The following DGKA variants were observed in gnomAD, a reference collection of about 807,000 sequenced individuals.
DGKA encodes the protein 80 kDa diacylglycerol kinase.
DGKA carries 35 observed loss-of-function variants against 105.0 expected under a neutral mutation model. The ratio of observed to expected loss-of-function variants is 0.33; its 90% CI spans 0.25 to 0.44. The LOEUF (loss-of-function observed/expected upper bound fraction) is 0.44, where lower values mean the gene tolerates loss of function less well. DGKA is among the 20% of genes least tolerant of loss of function. DGKA has a pLI of 1.00. For missense variants in DGKA, 665 were observed against 915.0 expected, an observed-to-expected ratio of 0.73 and a Z score of 3.53; for synonymous variants, 296 against 332.0, an observed-to-expected ratio of 0.89 and a Z score of 1.18.
At position 55,941,914 on chromosome 12, in the gene DGKA, G is replaced by T. The variant is rs1021334722; in HGVS notation, c.1251-84G>T. On this transcript the variant is annotated intron_variant, in intron 15 of 23. Coordinates refer to ENST00000331886, the MANE Select transcript of DGKA (RefSeq NM_001345.5). ...AGGAGGAGGGTCCTACGGAATGAGA[G>T]ACAAGAAGCAATCTGCCTGCTCAGG... is the stretch of plus-strand genomic sequence containing the variant. The T allele has an allele frequency of 7.8e-6, 11 of 1,402,338 alleles. No homozygotes were observed. In the South Asian group the frequency reaches 1.0e-4, roughly 13 times the overall value. 86.9% of individuals were successfully genotyped at this position (1,402,338 alleles called of 1,614,324 possible). A position where few individuals can be genotyped will look rare whatever the true frequency, so the allele number is the denominator to read the frequency against.
upstream of DGKA, among the ~76,000 whole-genome samples, chr12:55,928,877 C>A (rs915495284): frequency 6.6e-6 from 1 of 151,812 alleles, no homozygotes; most frequent in Non-Finnish European, 1.5e-5. Context: ...ATTTCCAGGC[C>A]GGGTGCGGTG....
At chr12:55,936,678 G>GCACA in intron 2 of DGKA, 111 bp downstream of exon 2, 8 of 1,433,810 alleles carry the variant, frequency 5.6e-6, no homozygotes, top group Non-Finnish European at 6.8e-6. Flanking sequence ...TGAGCAGTGT[G>GCACA]CTGCTCAGAT....
At position 55,940,842 on chromosome 12, in the gene DGKA, T is replaced by G; in HGVS notation, c.1018-55T>G. 6.3e-7 allele frequency: 1 copy of G among 1,598,912 alleles called. No homozygotes were observed. The highest frequency in any genetic ancestry group is 1.7e-4 in the Middle Eastern group (1 of 6,026). ...TAGGATTCAAGTCAGACCCCTCTAT[T>G]TAGGGATTCATGCACAATACAGCTT... is the stretch of plus-strand genomic sequence containing the variant. On this transcript the variant is annotated intron_variant, in intron 12 of 23. Coordinates refer to ENST00000331886, the MANE Select transcript of DGKA (RefSeq NM_001345.5). The surrounding 1 kb of genome is among the most constrained non-coding windows in gnomAD (Gnocchi z 4.3).
In DGKA at chr12:55,932,343, C is replaced by G. The variant is rs1883749209; in HGVS notation, c.-82+999C>G. 1.7e-6 allele frequency: 1 copy of G among 581,524 alleles called. No homozygotes were observed. 36.0% of individuals were successfully genotyped at this position (581,524 alleles called of 1,614,324 possible). A position where few individuals can be genotyped will look rare whatever the true frequency, so the allele number is the denominator to read the frequency against. On this transcript the variant is annotated intron_variant, in intron 1 of 23. Transcript: ENST00000331886. This position sits in a 1 kb window ranked among gnomAD's most constrained non-coding sequence, Gnocchi z 4.3. ...TGGGTAACGTTTCCCAGACCTTCCCCTCCATCCCTCCCGCTCATTCGGAGG... is the reference window on the plus strand; with the variant it reads ...TGGGTAACGTTTCCCAGACCTTCCCGTCCATCCCTCCCGCTCATTCGGAGG...
In DGKA at chr12:55,953,931, A is replaced by T; in HGVS notation, c.*163A>T. 1.5e-6 allele frequency: 1 copy of T among 666,280 alleles called. No homozygotes were observed. Among genetic ancestry groups the T allele is most frequent in the Admixed American group, 2.8e-5 (1 of 36,148 alleles). 41.3% of individuals were successfully genotyped at this position (666,280 alleles called of 1,614,324 possible). A position where few individuals can be genotyped will look rare whatever the true frequency, so the allele number is the denominator to read the frequency against. On this transcript the variant is annotated 3_prime_UTR_variant, in exon 24 of 24. Transcript: ENST00000331886. The stretch of plus-strand genomic sequence containing the variant: ...ATCCTGCACCACCTCACTGTTCCCC[A>T]TGCGCACACACATACACACACCCCA...
chr12:55,932,591 AAAT>A lies in DGKA; in HGVS notation c.-82+1249_-82+1251del, dbSNP rs1480793553. 2 of 702,142 alleles carry A rather than the reference AAAT, an allele frequency of 2.8e-6. No homozygotes were observed. Among genetic ancestry groups the A allele is most frequent in the African/African-American group, 3.5e-5 (2 of 57,176 alleles). The allele number at this position is 702,142 out of a possible 1,614,324, so 43.5% of individuals were successfully genotyped here. Reference sequence around the variant, plus strand: ...ATGAGCCTTCCTGAGGAAGAATGGCAAATATTACTGGGCATCTCTTCAGCCTCA... The same window carrying A: ...ATGAGCCTTCCTGAGGAAGAATGGCAATTACTGGGCATCTCTTCAGCCTCA... On this transcript the variant is annotated intron_variant, in intron 1 of 23. Transcript: ENST00000331886. This position sits in a 1 kb window ranked among gnomAD's most constrained non-coding sequence, Gnocchi z 4.3.
In DGKA at chr12:55,932,587, T is replaced by G. The variant is rs1482689043; in HGVS notation, c.-82+1243T>G. ...AGAAATGAGCCTTCCTGAGGAAGAATGGCAAATATTACTGGGCATCTCTTC... is the reference window on the plus strand; with the variant it reads ...AGAAATGAGCCTTCCTGAGGAAGAAGGGCAAATATTACTGGGCATCTCTTC... On this transcript the variant is annotated intron_variant, in intron 1 of 23. Coordinates refer to ENST00000331886, the MANE Select transcript of DGKA (RefSeq NM_001345.5). The surrounding 1 kb of genome is among the most constrained non-coding windows in gnomAD (Gnocchi z 4.3). 2.8e-6 allele frequency: 2 copies of G among 702,156 alleles called. No homozygotes were observed. The highest frequency in any genetic ancestry group is 4.0e-5 in the Admixed American group (2 of 49,958). The allele number at this position is 702,156 out of a possible 1,614,324, so 43.5% of individuals were successfully genotyped here.
Position 55,932,767 on chromosome 12 carries a change from C to T in DGKA, c.-82+1423C>T. 1 of 585,676 alleles carries T rather than the reference C, an allele frequency of 1.7e-6. No homozygotes were observed. The highest frequency in any genetic ancestry group is 3.1e-6 in the Non-Finnish European group (1 of 324,462). 36.3% of individuals were successfully genotyped at this position (585,676 alleles called of 1,614,324 possible). A position where few individuals can be genotyped will look rare whatever the true frequency, so the allele number is the denominator to read the frequency against. Reference sequence around the variant, plus strand: ...ACCCCCTCAGCCAGGTGTAGCACTGCAGTCTTCAGTGTTTGTGGAGGCTTA... The same window carrying T: ...ACCCCCTCAGCCAGGTGTAGCACTGTAGTCTTCAGTGTTTGTGGAGGCTTA... On this transcript the variant is annotated intron_variant, in intron 1 of 23. Coordinates refer to ENST00000331886, the MANE Select transcript of DGKA (RefSeq NM_001345.5). This position sits in a 1 kb window ranked among gnomAD's most constrained non-coding sequence, Gnocchi z 4.3.
At chr12:55,935,714 TC>T (rs1274643497) in intron 1 of DGKA, 1 of 179,874 alleles carries the variant, frequency 5.6e-6, no homozygotes, top group African/African-American at 2.4e-5. Flanking sequence ...CAGAGTCTCT[TC>T]CCCTGCCTCT....
In DGKA at chr12:55,942,242, C is replaced by T. The variant is rs1886171216; in HGVS notation, c.1405C>T (p.Arg469Ter). ...LPLGTGNDLA[R>*]CLRWGGGYEG... ...CCTGGGTACTGGAAATGATCTGGCT[C>T]GATGCCTAAGATGGGGAGGAGGTAA... is the stretch of plus-strand genomic sequence containing the variant. The change falls in exon 17 of 24, where the codon CGA becomes TGA. Residue 469 changes from arginine (R) to a stop codon, truncating the protein, a stop_gained. Transcript: ENST00000331886. LOFTEE classifies it high-confidence loss of function. 6 of 1,614,070 alleles carry T rather than the reference C, an allele frequency of 3.7e-6. No homozygotes were observed. The highest frequency in any genetic ancestry group is 1.7e-4 in the Middle Eastern group (1 of 6,058).
In DGKA at chr12:55,931,239, A is replaced by T. The variant is rs1419436723; in HGVS notation, c.-187A>T. 6.6e-6 allele frequency: 1 copy of T among 152,178 alleles called. No homozygotes were observed. The highest frequency in any genetic ancestry group is 1.5e-5 in the Non-Finnish European group (1 of 68,108). 9.4% of individuals were successfully genotyped at this position (152,178 alleles called of 1,614,324 possible). A position where few individuals can be genotyped will look rare whatever the true frequency, so the allele number is the denominator to read the frequency against. The stretch of plus-strand genomic sequence containing the variant: ...CTTCACCACCATCCATGCGACCCCA[A>T]GAGCCTTAATGACTCTAGAAGAGAC... On this transcript the variant is annotated 5_prime_UTR_variant, in exon 1 of 24. The change creates a new upstream start codon in the 5' untranslated region. Transcript: ENST00000331886.
At chr12:55,936,812 C>G in intron 2 of DGKA, 1 of 797,854 alleles carries the variant, frequency 1.3e-6, no homozygotes, top group South Asian at 1.4e-5. Flanking sequence ...CTTCGCTATA[C>G]CTGGACTGCT....
chr12:55,935,807 C>T, intron 1 of DGKA: 10 of 920,836 alleles, frequency 1.1e-5, no homozygotes, highest in Non-Finnish European at 1.3e-5. Flanking sequence ...GGCTAGGGAC[C>T]TTGCCAGAGC....
Position 55,953,957 on chromosome 12 carries a change from A to G in DGKA, c.*189A>G. On this transcript the variant is annotated 3_prime_UTR_variant, in exon 24 of 24. Coordinates refer to ENST00000331886, the MANE Select transcript of DGKA (RefSeq NM_001345.5). Reference sequence around the variant, plus strand: ...TGCGCACACACATACACACACCCCAAAACACATACATTGAAAGTGCCTCAT... The same window carrying G: ...TGCGCACACACATACACACACCCCAGAACACATACATTGAAAGTGCCTCAT... The G allele has an allele frequency of 1.6e-6, 1 of 636,934 alleles. No homozygotes were observed. Among genetic ancestry groups the G allele is most frequent in the East Asian group, 2.7e-5 (1 of 36,486 alleles). The allele number at this position is 636,934 out of a possible 1,614,324, so 39.5% of individuals were successfully genotyped here.
chr12:55,953,596 C>G, intron 23 of DGKA, 89 bp from the exon 24 acceptor site: 1 of 1,465,972 alleles, frequency 6.8e-7, no homozygotes, highest in East Asian at 2.3e-5. Context: ...GCAACCCACC[C>G]CAAACCCCAC....
At position 55,953,730 on chromosome 12, in the gene DGKA, C is replaced by A. The variant is rs1484582377; in HGVS notation, c.2170C>A (p.Pro724Thr). 2.5e-6 allele frequency: 4 copies of A among 1,613,090 alleles called. No homozygotes were observed. In the African/African-American group the frequency reaches 5.3e-5, roughly 22 times the overall value. The change falls in exon 24 of 24, where the codon CCC becomes ACC. Residue 724 changes from proline (P) to threonine (T), a missense_variant. Pro to Thr is a conservative substitution (Grantham distance 38, BLOSUM62 -1). Around this residue, in one of 3 missense-constraint regions of DGKA, gnomAD observed 158 missense variants for 213.4 expected, o/e 0.74. Transcript: ENST00000331886. ...CCAGATGCCCATGCTCATGGGCCCA[C>A]CCCCCCGCTCCACCAATTTCTTTGG... is the stretch of plus-strand genomic sequence containing the variant. ...KNQMPMLMGP[P>T]PRSTNFFGFL...
chr12:55,942,072 T>C lies in DGKA; in HGVS notation c.1325T>C (p.Leu442Pro). ...GGAGACGGCACAGTAGGCTGGATTC[T>C]AGAGACCATTGGTCAGTGCAGGGAG... is the stretch of plus-strand genomic sequence containing the variant. ...CGGDGTVGWILETIDKANLPV... is the reference protein window; with the variant it reads ...CGGDGTVGWIPETIDKANLPV... Residue 442 changes from leucine to proline, a missense_variant, in exon 16 of 24, where the codon CTA becomes CCA. Leu to Pro is a moderately conservative substitution (Grantham distance 98). Transcript: ENST00000331886. The C allele has an allele frequency of 6.2e-7, 1 of 1,614,168 alleles. No individual in the cohort carries two copies. The highest frequency in any genetic ancestry group is 8.5e-7 in the Non-Finnish European group (1 of 1,180,016).
At chr12:55,941,201 ACT>A (rs768567778) in intron 13 of DGKA, 49 bp from the exon 14 acceptor site, 1 of 1,577,238 alleles carries the variant, frequency 6.3e-7, no homozygotes, top group South Asian at 1.1e-5. Context: ...GCCCACCTTA[ACT>A]CTGACAAAAT....
intron 1 of DGKA, chr12:55,935,961 A>T (rs1311989090): frequency 1.0e-5 from 10 of 988,456 alleles, no homozygotes; most frequent in Non-Finnish European, 1.2e-5. Flanking sequence ...CTAACGCAGT[A>T]AGAGTCACTC....
Sources: allele counts gnomAD v4.1 joint callset (sites outside exome capture counted in the v4.1 genomes callset), GRCh38; gene constraint gnomAD v4.1.1; regional missense constraint gnomAD v4.1.1; non-coding constraint Gnocchi (gnomAD v3.1); transcripts MANE v1.5; gene names NCBI Gene and HGNC (gene_info 2026-07-23, HGNC 2026-07-21).